Variants in NCOR2 observed in about 807,000 individuals in gnomAD.
The protein encoded by NCOR2 is nuclear receptor corepressor 2, also known as CTG repeat protein 26.
Under a neutral mutation model 262.9 loss-of-function variants are expected in NCOR2, and 81 were observed. That is an observed-to-expected ratio of 0.31 (90% CI 0.26 to 0.37). NCOR2 has a LOEUF of 0.37. NCOR2 is among the 10% of genes least tolerant of loss of function. The probability of loss-of-function intolerance (pLI) is 1.00; values close to 1 mark genes in which losing one functional copy is unlikely to be tolerated. For missense variants in NCOR2, 3,385 were observed against 3,621.4 expected, an observed-to-expected ratio of 0.93 and a Z score of 1.68; for synonymous variants, 1,659 against 1,559.3, an observed-to-expected ratio of 1.06 and a Z score of -1.51.
Position 124,443,057 on chromosome 12 carries a change from C to A in NCOR2, c.816-5061G>T, listed in dbSNP as rs1184765762. On this transcript the variant is annotated intron_variant, in intron 7 of 46. Coordinates refer to ENST00000405201, the Ensembl canonical transcript of NCOR2. This position sits in a 1 kb window ranked among gnomAD's most constrained non-coding sequence, Gnocchi z 4.4. Reference sequence around the variant, plus strand: ...CCTTCTAGAGAATGTGGTCCTGCAGCACCTTGATTTCCAACTGCTGGCCTC... The same window carrying A: ...CCTTCTAGAGAATGTGGTCCTGCAGAACCTTGATTTCCAACTGCTGGCCTC... Among the ~76,000 whole-genome samples the A allele has an allele frequency of 2.6e-5, 4 of 152,238 alleles. No individual in the cohort carries two copies. Among genetic ancestry groups the A allele is most frequent in the African/African-American group, 9.6e-5 (4 of 41,460 alleles).
intron 17 of NCOR2, among the ~76,000 whole-genome samples, chr12:124,382,804 C>G (rs1265192725): frequency 1.3e-5 from 2 of 152,250 alleles, no homozygotes; most frequent in Non-Finnish European, 2.9e-5. Flanking sequence ...TTATTGAGGG[C>G]TGACCAAGGA....
At position 124,429,792 on chromosome 12, in the gene NCOR2, G is replaced by A. The variant is rs1003936559; in HGVS notation, c.1056-86C>T. On this transcript the variant is annotated intron_variant, in intron 9 of 46. Transcript: ENST00000405201. The stretch of plus-strand genomic sequence containing the variant: ...CCCTGTGGCGCAGCCCTGAGCCCAC[G>A]CCCTCCCCAGAGGAGAAGTGTGGGC... 2.3e-5 allele frequency: 29 copies of A among 1,276,100 alleles called. No individual in the cohort carries two copies. The African/African-American group carries it at 2.5e-4, about 11-fold the overall frequency. The allele number at this position is 1,276,100 out of a possible 1,614,324, so 79.0% of individuals were successfully genotyped here.
intron 13 of NCOR2, among the ~76,000 whole-genome samples, chr12:124,404,788 C>T (rs555681279): frequency 6.6e-6 from 1 of 152,320 alleles, no homozygotes; most frequent in Admixed American, 6.5e-5. Context: ...TTTCTATGGG[C>T]CGGCTCCTGG....
At chr12:124,471,500 A>G (rs2136689510) in intron 4 of NCOR2, among the ~76,000 whole-genome samples, 1 of 152,382 alleles carries the variant, frequency 6.6e-6, no homozygotes, top group Middle Eastern at 3.4e-3. Context: ...GGACCACTGT[A>G]TAACAAAGCT....
intron 6 of NCOR2, 133 bp downstream of exon 8, chr12:124,456,973 C>T (rs1468762394): frequency 1.7e-6 from 1 of 602,542 alleles, no homozygotes. Context: ...TTTCCTGCTT[C>T]CTCCGCGGAC....
At chr12:124,357,022 C>T (rs934387940) in intron 22 of NCOR2, among the ~76,000 whole-genome samples, 2 of 152,218 alleles carry the variant, frequency 1.3e-5, no homozygotes, top group East Asian at 1.9e-4. Context: ...TCTCAGCTGC[C>T]GCTGAGGACG....
chr12:124,483,465 G>T lies in NCOR2; in HGVS notation c.411+131C>A. On this transcript the variant is annotated intron_variant, in intron 3 of 46. Coordinates refer to ENST00000405201, the Ensembl canonical transcript of NCOR2. This position sits in a 1 kb window ranked among gnomAD's most constrained non-coding sequence, Gnocchi z 6.3. Reference sequence around the variant, plus strand: ...TGCCACCCAGCTCTGTGCACCCGGTGCTTGGCCCACCTCCAAGCCTTTGCC... The same window carrying T: ...TGCCACCCAGCTCTGTGCACCCGGTTCTTGGCCCACCTCCAAGCCTTTGCC... The T allele has an allele frequency of 9.9e-7, 1 of 1,014,062 alleles. No homozygotes were observed. Among genetic ancestry groups the T allele is most frequent in the Non-Finnish European group, 1.4e-6 (1 of 724,522 alleles). 62.8% of individuals were successfully genotyped at this position (1,014,062 alleles called of 1,614,324 possible). A position where few individuals can be genotyped will look rare whatever the true frequency, so the allele number is the denominator to read the frequency against.
In NCOR2 at chr12:124,517,277, C is replaced by CA. The variant is rs1483437015; in HGVS notation, c.-118+18287dup. 1.3e-5 allele frequency among the ~76,000 whole-genome samples: 2 copies of CA among 152,166 alleles called. No individual in the cohort carries two copies. The highest frequency in any genetic ancestry group is 6.5e-5 in the Admixed American group (1 of 15,286). ...CCCCCTCCCTTCCCCAGCCTGGGCT[C>CA]AGAGGTCCCCAGGAGCCATTCCCGC... is the stretch of plus-strand genomic sequence containing the variant. On this transcript the variant is annotated intron_variant, in intron 1 of 46. Transcript: ENST00000404621. This position sits in a 1 kb window ranked among gnomAD's most constrained non-coding sequence, Gnocchi z 7.6.
chr12:124,340,646 G>A (rs754164700), exon 35 of NCOR2: 8 of 1,497,144 alleles, frequency 5.3e-6, no homozygotes, highest in Non-Finnish European at 6.2e-6. Flanking sequence ...GAAGGGCTGG[G>A]GCGCGGTGGG....
chr12:124,555,203 T>C (rs1416008591), intron 1 of NCOR2, among the ~76,000 whole-genome samples: 1 of 152,166 alleles, frequency 6.6e-6, no homozygotes, highest in Admixed American at 6.5e-5. Flanking sequence ...ACCCATGTGG[T>C]GCCAAGCGAG....
chr12:124,391,646 C>T (rs1424800551), intron 16 of NCOR2, among the ~76,000 whole-genome samples: 2 of 152,238 alleles, frequency 1.3e-5, no homozygotes, highest in Admixed American at 1.3e-4. Context: ...CACACCTGGA[C>T]TTGCACCTCC....
At chr12:124,353,771 C>T (rs1171801300) in intron 27 of NCOR2, among the ~76,000 whole-genome samples, 1 of 152,248 alleles carries the variant, frequency 6.6e-6, no homozygotes, top group Non-Finnish European at 1.5e-5. Flanking sequence ...CCTGTCTAAG[C>T]AATGTCCGTG....
chr12:124,371,944 G>A, intron 20 of NCOR2, 78 bp downstream of exon 22: 2 of 1,393,648 alleles, frequency 1.4e-6, no homozygotes, highest in Non-Finnish European at 1.9e-6. Flanking sequence ...CAGACTGGGT[G>A]CGGCTGTCTA....
intron 1 of NCOR2, among the ~76,000 whole-genome samples, chr12:124,545,615 G>A (rs1462998734): frequency 2.0e-5 from 3 of 152,246 alleles, no homozygotes; most frequent in Non-Finnish European, 1.5e-5. Flanking sequence ...GGTGAGCTCA[G>A]CTCAGCCCAG....
At position 124,483,846 on chromosome 12, in the gene NCOR2, T is replaced by TCTGCGCCGAGCAGTAG; in HGVS notation, c.234-74_234-73insCTACTGCTCGGCGCAG. On this transcript the variant is annotated intron_variant, in intron 2 of 46. Transcript: ENST00000405201. This position sits in a 1 kb window ranked among gnomAD's most constrained non-coding sequence, Gnocchi z 6.3. ...AGAACTCCCGAGGCCCCGACCACCC[T>TCTGCGCCGAGCAGTAG]CTGCGCCGAGCATCTACTGCGCGCC... is the stretch of plus-strand genomic sequence containing the variant. 2 of 1,438,422 alleles carry TCTGCGCCGAGCAGTAG rather than the reference T, an allele frequency of 1.4e-6. No individual in the cohort carries two copies. The highest frequency in any genetic ancestry group is 2.6e-5 in the East Asian group (1 of 39,108). The allele number at this position is 1,438,422 out of a possible 1,614,324, so 89.1% of individuals were successfully genotyped here.
At chr12:124,533,080 A>C (rs1356555024) in intron 1 of NCOR2, among the ~76,000 whole-genome samples, 5 of 116,382 alleles carry the variant, frequency 4.3e-5, no homozygotes, top group South Asian at 3.1e-4. Context: ...TCCTTCTCCT[A>C]CCTCCAAATC....
chr12:124,413,707 A>G (rs1300891739), intron 13 of NCOR2, among the ~76,000 whole-genome samples: 2 of 152,150 alleles, frequency 1.3e-5, no homozygotes, highest in Non-Finnish European at 2.9e-5. Context: ...GGGTGCTGAG[A>G]GAGCGCAAGA....
Position 124,358,147 on chromosome 12 carries a change from ATGTG to A in NCOR2, c.3101-1369_3101-1366del, listed in dbSNP as rs34752398. Among the ~76,000 whole-genome samples the A allele has an allele frequency of 4.2e-3, 536 of 128,606 alleles. 2 individuals are homozygous for A. The highest frequency in any genetic ancestry group is 0.015 in the African/African-American group (487 of 33,300). The allele number at this position is 128,606 out of a possible 152,430, so 84.4% of individuals were successfully genotyped here. ...TGCATGGATGTGTGTGTGTGCATGGATGTGTGTGTGTGCCTGTACACAATGTTGA... is the reference window on the plus strand; with the variant it reads ...TGCATGGATGTGTGTGTGTGCATGGATGTGTGTGCCTGTACACAATGTTGA... On this transcript the variant is annotated intron_variant, in intron 22 of 46. Coordinates refer to ENST00000405201, the Ensembl canonical transcript of NCOR2.
chr12:124,535,615 C>A (rs1594023565), upstream of NCOR2: 1 of 152,238 alleles, frequency 6.6e-6, no homozygotes, highest in Non-Finnish European at 1.5e-5. Flanking sequence ...GGGAGACCTG[C>A]GGACAAAACA....
Sources: gnomAD v4.1 joint callset for allele counts (sites outside exome capture counted in the v4.1 genomes callset) on GRCh38, gnomAD v4.1.1 for gene constraint, Gnocchi (gnomAD v3.1) non-coding constraint, MANE v1.5 for transcripts, NCBI Gene and HGNC (gene_info 2026-07-23, HGNC 2026-07-21) for gene names.